GIMAP6: variants seen among roughly 807,000 people sequenced by gnomAD.
GIMAP6 encodes GTPase IMAP family member 6.
GIMAP6 carries 6 observed loss-of-function variants against 9.3 expected under a neutral mutation model. That is an observed-to-expected ratio of 0.65 (90% CI 0.35 to 1.27). The LOEUF is 1.27. Ranked by LOEUF, GIMAP6 falls within the 50% of genes most tolerant of loss-of-function variation. The probability of loss-of-function intolerance (pLI) is 0.03; values close to 1 mark genes in which losing one functional copy is unlikely to be tolerated. For missense variants in GIMAP6, 333 were observed against 359.5 expected (o/e 0.93, Z 0.60); for synonymous variants, 156 against 151.1 (o/e 1.03, Z -0.24).
intron 2 of GIMAP6, among the ~76,000 whole-genome samples, chr7:150,629,156 G>T: frequency 6.6e-6 from 1 of 152,214 alleles, no homozygotes; most frequent in South Asian, 2.1e-4. Context: ...ACCTAGCCCA[G>T]TGCAGAGCCA....
intron 2 of GIMAP6, among the ~76,000 whole-genome samples, chr7:150,629,156 G>C (rs1162352804): frequency 6.6e-6 from 1 of 152,214 alleles, no homozygotes; most frequent in Non-Finnish European, 1.5e-5. Flanking sequence ...ACCTAGCCCA[G>C]TGCAGAGCCA....
Position 150,628,390 on chromosome 7 carries a change from G to A in GIMAP6, c.208C>T (p.Leu70Phe), listed in dbSNP as rs1396461434. 2 of 1,614,178 alleles carry A rather than the reference G, an allele frequency of 1.2e-6. No homozygotes were observed. Among genetic ancestry groups the A allele is most frequent in the Non-Finnish European group, 1.7e-6 (2 of 1,180,008 alleles). The change falls in exon 3 of 3, where the codon CTC becomes TTC. Residue 70 changes from leucine (L) to phenylalanine (F), a missense_variant. By Grantham distance (22) the Leu-to-Phe change is conservative. Coordinates refer to ENST00000328902, the MANE Select transcript of GIMAP6 (RefSeq NM_024711.6). ...ILGRDVFESK[L>F]STRPVTKTSQ... is the part of the protein sequence containing the mutation. ...GTCTTGGTCACGGGTCTGGTGCTGAGTTTAGACTCGAAGACGTCCCTGCCG... is the reference window on the plus strand; with the variant it reads ...GTCTTGGTCACGGGTCTGGTGCTGAATTTAGACTCGAAGACGTCCCTGCCG...
Position 150,627,951 on chromosome 7 carries a change from A to G in GIMAP6, c.647T>C (p.Met216Thr). Residue 216 changes from methionine to threonine, a missense_variant, in exon 3 of 3, where the codon ATG becomes ACG. Physicochemically the swap from Met to Thr is moderately conservative, Grantham distance 81 (BLOSUM62 -1). Coordinates refer to ENST00000328902, the MANE Select transcript of GIMAP6 (RefSeq NM_024711.6). Reference protein sequence around the residue: ...EEQEAQLRELMEKVEAIMWEN... With the variant: ...EEQEAQLRELTEKVEAIMWEN... ...CCACATAATGGCTTCAACTTTCTCC[A>G]TGAGCTCTCGCAGTTGGGCCTCCTG... 1 of 1,614,210 alleles carries G rather than the reference A, an allele frequency of 6.2e-7. No individual in the cohort carries two copies.
chr7:150,631,849 C>G (rs146050202), intron 1 of GIMAP6, among the ~76,000 whole-genome samples: 1 of 152,272 alleles, frequency 6.6e-6, no homozygotes, highest in East Asian at 1.9e-4. Flanking sequence ...GTTCTCCAGA[C>G]GTGTTGGTCA....
In GIMAP6 at chr7:150,628,357, T is replaced by G; in HGVS notation, c.241A>C (p.Arg81=). 6.2e-7 allele frequency: 1 copy of G among 1,614,126 alleles called. No homozygotes were observed. Among genetic ancestry groups the G allele is most frequent in the Non-Finnish European group, 8.5e-7 (1 of 1,179,970 alleles). The part of the protein sequence containing the change: ...STRPVTKTSQ[R]RSREWAGKEL... ...TTCCCAGCCCACTCTCGGCTCCGTC[T>G]CTGGGAGGTCTTGGTCACGGGTCTG... The change falls in exon 3 of 3, where the codon AGA becomes CGA. Residue 81 remains arginine, a synonymous_variant. Coordinates refer to ENST00000328902, the MANE Select transcript of GIMAP6 (RefSeq NM_024711.6).
At position 150,627,786 on chromosome 7, in the gene GIMAP6, C is replaced by A. The variant is rs1352415209; in HGVS notation, c.812G>T (p.Gly271Val). The change falls in exon 3 of 3, where the codon GGA becomes GTA. Residue 271 changes from glycine (G) to valine (V), a missense_variant. Coordinates refer to ENST00000328902, the MANE Select transcript of GIMAP6 (RefSeq NM_024711.6). ...AGATTCCTTCTGGATCTGGGACAGT[C>A]CTTCCAGCCAAGACTCCTCACCAGG... is the stretch of plus-strand genomic sequence containing the variant. ...DVPGEESWLE[G>V]LSQIQKESEE... is the part of the protein sequence containing the mutation. 5 of 1,614,128 alleles carry A rather than the reference C, an allele frequency of 3.1e-6. No homozygotes were observed. The African/African-American group carries it at 5.3e-5, about 17-fold the overall frequency.
chr7:150,631,182 G>C (rs1796386020), intron 1 of GIMAP6, among the ~76,000 whole-genome samples: 1 of 152,156 alleles, frequency 6.6e-6, no homozygotes, highest in Non-Finnish European at 1.5e-5. Flanking sequence ...CACATTGTTA[G>C]ATGTTTGTTC....
chr7:150,628,174 C>A lies in GIMAP6; in HGVS notation c.424G>T (p.Val142Leu), dbSNP rs767036573. 6.2e-7 allele frequency: 1 copy of A among 1,614,226 alleles called. No individual in the cohort carries two copies. Residue 142 changes from valine to leucine, a missense_variant, in exon 3 of 3, where the codon GTG becomes TTG. Coordinates refer to ENST00000328902, the MANE Select transcript of GIMAP6 (RefSeq NM_024711.6). ...LGRFTDEDQQ[V>L]VRRLQEVFGV... ...AAGACCTCCTGCAGGCGCCTGACCACCTGCTGATCCTCATCCGTGAACCGG... is the reference window on the plus strand; with the variant it reads ...AAGACCTCCTGCAGGCGCCTGACCAACTGCTGATCCTCATCCGTGAACCGG...
At chr7:150,628,553 G>T (rs779724901) in intron 2 of GIMAP6, 41 bp from the exon 3 acceptor site, 1 of 1,605,346 alleles carries the variant, frequency 6.2e-7, no homozygotes, top group Admixed American at 1.7e-5. Context: ...TGGGGTAAGG[G>T]CCCATGTACC....
At chr7:150,630,776 C>A (rs977104986) in intron 1 of GIMAP6, among the ~76,000 whole-genome samples, 6 of 152,236 alleles carry the variant, frequency 3.9e-5, no homozygotes, top group Non-Finnish European at 8.8e-5. Context: ...GCCTCAGCAT[C>A]CCATCAGTAA....
chr7:150,627,997 T>G lies in GIMAP6; in HGVS notation c.601A>C (p.Asn201His). 2.5e-6 allele frequency: 4 copies of G among 1,614,248 alleles called. No individual in the cohort carries two copies. Among genetic ancestry groups the G allele is most frequent in the Non-Finnish European group, 3.4e-6 (4 of 1,180,026 alleles). Residue 201 changes from asparagine (N) to histidine (H), a missense_variant, in exon 3 of 3, where the codon AAC (asparagine) becomes CAC (histidine). Transcript: ENST00000328902. ...TCCTGCTCCTCCCCCTGTGCCCTGTTGTTGAAGCCGCAATGGCGCCGTGCA... is the reference window on the plus strand; with the variant it reads ...TCCTGCTCCTCCCCCTGTGCCCTGTGGTTGAAGCCGCAATGGCGCCGTGCA... ...TLARRHCGFNNRAQGEEQEAQ... is the reference protein window; with the variant it reads ...TLARRHCGFNHRAQGEEQEAQ...
rs1328199100 is a variant in GIMAP6, at chr7:150,628,409, C to T, written c.189G>A (p.Arg63=). The part of the protein sequence containing the change: ...KSATGNSILG[R]DVFESKLSTR... ...TGCTGAGTTTAGACTCGAAGACGTC[C>T]CTGCCGAGGATGCTGTTTCCTGTTG... The change falls in exon 3 of 3, where the codon AGG becomes AGA. Residue 63 remains arginine, a synonymous_variant. Transcript: ENST00000328902. 2 of 1,614,160 alleles carry T rather than the reference C, an allele frequency of 1.2e-6. No homozygotes were observed. The highest frequency in any genetic ancestry group is 3.3e-5 in the Admixed American group (2 of 60,030).
At chr7:150,628,576 C>A in intron 2 of GIMAP6, 64 bp from the exon 3 acceptor site, 1 of 1,600,700 alleles carries the variant, frequency 6.2e-7, no homozygotes, top group South Asian at 1.1e-5. Context: ...ATCTTGTCAT[C>A]ACCAGGAGCC....
Position 150,627,389 on chromosome 7 carries a change from G to C in GIMAP6, c.*330C>G, listed in dbSNP as rs1376647237. ...AGTTACACAGAAGTAAAAGATACAG[G>C]CCTGCCCTCAAGAAACTTTGGTTCT... On this transcript the variant is annotated 3_prime_UTR_variant, in exon 3 of 3. Transcript: ENST00000328902. 2.6e-6 allele frequency: 1 copy of C among 389,556 alleles called. No individual in the cohort carries two copies. Among genetic ancestry groups the C allele is most frequent in the Non-Finnish European group, 4.8e-6 (1 of 209,392 alleles). The allele number at this position is 389,556 out of a possible 1,614,324, so 24.1% of individuals were successfully genotyped here.
intron 2 of GIMAP6, among the ~76,000 whole-genome samples, chr7:150,629,595 G>A (rs951575014): frequency 1.3e-5 from 2 of 152,130 alleles, no homozygotes; most frequent in African/African-American, 4.8e-5. Context: ...CCAGATCTGA[G>A]GCAGCAGCCA....
chr7:150,629,114 G>C (rs1459339841), intron 2 of GIMAP6, among the ~76,000 whole-genome samples: 1 of 152,194 alleles, frequency 6.6e-6, no homozygotes. Flanking sequence ...TGAATGGGCA[G>C]AAGTCTGGGC....
chr7:150,629,891 T>A (rs1796361637), intron 2 of GIMAP6, among the ~76,000 whole-genome samples, 167 bp downstream of exon 2: 1 of 152,020 alleles, frequency 6.6e-6, no homozygotes, highest in Non-Finnish European at 1.5e-5. Flanking sequence ...TTTTGGCTAG[T>A]GATAAGAAGG....
Position 150,627,645 on chromosome 7 carries a change from GA to G in GIMAP6, c.*73del. 6.3e-7 allele frequency: 1 copy of G among 1,584,350 alleles called. No individual in the cohort carries two copies. ...AGACTGGGAAGCACTCCATGGGATG[GA>G]AAGAGAAACAGAGGGCTGGACACAG... On this transcript the variant is annotated 3_prime_UTR_variant, in exon 3 of 3. Coordinates refer to ENST00000328902, the MANE Select transcript of GIMAP6 (RefSeq NM_024711.6).
At chr7:150,629,553 T>C (rs1796356898) in intron 2 of GIMAP6, among the ~76,000 whole-genome samples, 1 of 152,154 alleles carries the variant, frequency 6.6e-6, no homozygotes, top group South Asian at 2.1e-4. Context: ...GCAATGGCTT[T>C]TGGGAAAGGG....
Sources: allele counts gnomAD v4.1 joint callset (sites outside exome capture counted in the v4.1 genomes callset), GRCh38; gene constraint gnomAD v4.1.1; transcripts MANE v1.5; gene names NCBI Gene and HGNC (gene_info 2026-07-23, HGNC 2026-07-21).